ASTN2: variants seen among roughly 807,000 people sequenced by gnomAD.
ASTN2 encodes astrotactin-2.
In ASTN2, 54 loss-of-function variants were observed where a neutral mutation model predicts 139.8. The observed-to-expected ratio is 0.39, with a 90% CI of 0.31 to 0.48. The LOEUF is 0.48. ASTN2 is among the 20% of genes least tolerant of loss of function. ASTN2 has a pLI of 0.95. For missense variants in ASTN2, 1,565 were observed against 1,725.1 expected, an observed-to-expected ratio of 0.91 and a Z score of 1.64; for synonymous variants, 756 against 719.5, an observed-to-expected ratio of 1.05 and a Z score of -0.81.
chr9:117,024,778 T>G (rs1477571885), intron 6 of ASTN2, among the ~76,000 whole-genome samples: 1 of 152,132 alleles, frequency 6.6e-6, no homozygotes. Flanking sequence ...ATGCTTTGGC[T>G]GTGTCCACAC....
intron 16 of ASTN2, among the ~76,000 whole-genome samples, chr9:116,718,975 C>CATATATATATATATAT: frequency 8.6e-6 from 1 of 116,576 alleles, no homozygotes; most frequent in Non-Finnish European, 1.7e-5. Flanking sequence ...TGTATCTGTA[C>CATATATATATATATAT]ATATATATAT....
intron 16 of ASTN2, among the ~76,000 whole-genome samples, chr9:116,653,948 C>T (rs1357624567): frequency 6.6e-6 from 1 of 152,180 alleles, no homozygotes; most frequent in Non-Finnish European, 1.5e-5. Flanking sequence ...ACAAACAAAA[C>T]AAGGGTGTAA....
rs1847499211 is a variant in ASTN2, at chr9:116,431,589, G to A, written c.3783-5501C>T. Among the ~76,000 whole-genome samples the A allele has an allele frequency of 2.0e-5, 3 of 152,144 alleles. No homozygotes were observed. In the South Asian group the frequency reaches 6.2e-4, roughly 32 times the overall value. ...GAAAGCAGGAATGGAGAGTGCCCAT[G>A]GAAGAGAAGATTTAGGCCATTAGTT... On this transcript the variant is annotated intron_variant, in intron 22 of 22. Transcript: ENST00000313400.
At chr9:117,235,144 G>A (rs1409082580) in intron 2 of ASTN2, among the ~76,000 whole-genome samples, 1 of 151,128 alleles carries the variant, frequency 6.6e-6, no homozygotes, top group Non-Finnish European at 1.5e-5. Context: ...TGAGGCAGGA[G>A]AATTGCTGGA....
intron 13 of ASTN2, among the ~76,000 whole-genome samples, chr9:116,754,272 C>T (rs532419343): frequency 1.3e-5 from 2 of 152,234 alleles, no homozygotes; most frequent in South Asian, 2.1e-4. Context: ...CATAAACATA[C>T]GTGTGCATGT....
chr9:116,570,111 C>A lies in ASTN2; in HGVS notation c.3355+48213G>T, dbSNP rs12343198. On this transcript the variant is annotated intron_variant, in intron 19 of 22. Coordinates refer to ENST00000313400, the MANE Select transcript of ASTN2 (RefSeq NM_001365068.1). ...TTGTTGTCTTGAGCAGGTGGTTTCA[C>A]GTTTCTAGCCTTGCTTTCTTTATCT... Among the ~76,000 whole-genome samples the A allele has an allele frequency of 3.4e-3, 516 of 152,218 alleles. 1 individual carries two copies. Among genetic ancestry groups the A allele is most frequent in the African/African-American group, 0.012 (503 of 41,504 alleles).
intron 19 of ASTN2, among the ~76,000 whole-genome samples, chr9:116,542,534 A>C (rs1236306116): frequency 6.6e-6 from 1 of 152,224 alleles, no homozygotes; most frequent in Non-Finnish European, 1.5e-5. Context: ...AACCTGAACA[A>C]AGCCAAGTTA....
intron 2 of ASTN2, among the ~76,000 whole-genome samples, chr9:117,259,994 T>C (rs1398944750): frequency 1.3e-5 from 2 of 152,166 alleles, no homozygotes; most frequent in African/African-American, 4.8e-5. Flanking sequence ...AAAAATCTCA[T>C]ATCCTTTTTT....
chr9:117,121,809 A>G lies in ASTN2; in HGVS notation c.1168+19517T>C, dbSNP rs115849238. On this transcript the variant is annotated intron_variant, in intron 4 of 22. Coordinates refer to ENST00000313400, the MANE Select transcript of ASTN2 (RefSeq NM_001365068.1). ...ACAATCATGGCAGAAGCCGATGGGGAAGCCAGTTCATCTTCACATGGCCAG... is the reference window on the plus strand; with the variant it reads ...ACAATCATGGCAGAAGCCGATGGGGGAGCCAGTTCATCTTCACATGGCCAG... Among the ~76,000 whole-genome samples the G allele has an allele frequency of 8.3e-3, 1,265 of 152,334 alleles. 25 individuals carry two copies. The highest frequency in any genetic ancestry group is 0.029 in the African/African-American group (1,198 of 41,566).
intron 19 of ASTN2, among the ~76,000 whole-genome samples, chr9:116,595,852 T>G (rs566005607): frequency 2.6e-5 from 4 of 152,262 alleles, no homozygotes; most frequent in African/African-American, 9.6e-5. Flanking sequence ...GCGAAGCCAC[T>G]ATGAAAAACA....
intron 6 of ASTN2, among the ~76,000 whole-genome samples, chr9:117,036,791 C>T (rs568380447): frequency 2.6e-5 from 4 of 152,278 alleles, no homozygotes; most frequent in South Asian, 2.1e-4. Flanking sequence ...CTGATAGATA[C>T]GGGTGCTTTC....
At chr9:117,134,301 C>T (rs1056694999) in intron 4 of ASTN2, among the ~76,000 whole-genome samples, 12,468 of 61,080 alleles carry the variant, frequency 0.2, 590 homozygotes, top group Non-Finnish European at 0.25. Flanking sequence ...TATATACACA[C>T]ACACACACAC....
At chr9:117,004,189 G>A (rs1385405316) in intron 7 of ASTN2, among the ~76,000 whole-genome samples, 2 of 152,036 alleles carry the variant, frequency 1.3e-5, no homozygotes, top group African/African-American at 2.4e-5. Flanking sequence ...GCATGATCAT[G>A]GCTAACTGTA....
At chr9:116,683,614 T>C (rs1290409637) in intron 16 of ASTN2, among the ~76,000 whole-genome samples, 2 of 152,218 alleles carry the variant, frequency 1.3e-5, no homozygotes, top group African/African-American at 4.8e-5. Flanking sequence ...AGATAGCTGA[T>C]GTGTTAAGCA....
chr9:116,799,300 G>C (rs914101581), intron 13 of ASTN2, among the ~76,000 whole-genome samples: 4 of 152,064 alleles, frequency 2.6e-5, no homozygotes, highest in African/African-American at 9.7e-5. Context: ...CTTCAGTCTT[G>C]CCAAGCGTGG....
intron 1 of ASTN2, among the ~76,000 whole-genome samples, chr9:117,304,209 G>GT (rs1453015786): frequency 6.6e-6 from 1 of 152,184 alleles, no homozygotes; most frequent in Non-Finnish European, 1.5e-5. Flanking sequence ...AAGCCACTAA[G>GT]TTTTGGGGTG....
At chr9:116,531,270 A>C (rs918016766) in intron 19 of ASTN2, among the ~76,000 whole-genome samples, 13 of 152,200 alleles carry the variant, frequency 8.5e-5, no homozygotes, top group Admixed American at 3.3e-4. Flanking sequence ...TTATGTCTTA[A>C]ATGTATGGCC....
chr9:117,197,860 T>G (rs544194773), intron 3 of ASTN2, among the ~76,000 whole-genome samples: 9 of 152,290 alleles, frequency 5.9e-5, no homozygotes, highest in African/African-American at 2.2e-4. Context: ...ATTGGTAATT[T>G]TTTTCCTATA....
At chr9:116,750,933 G>C (rs1829382397) in intron 13 of ASTN2, among the ~76,000 whole-genome samples, 1 of 152,152 alleles carries the variant, frequency 6.6e-6, no homozygotes, top group Non-Finnish European at 1.5e-5. Flanking sequence ...TTCAAAATTT[G>C]ACATAGAAAT....
Sources: gnomAD v4.1 joint callset for allele counts (sites outside exome capture counted in the v4.1 genomes callset) on GRCh38, gnomAD v4.1.1 for gene constraint, MANE v1.5 for transcripts, NCBI Gene and HGNC (gene_info 2026-07-23, HGNC 2026-07-21) for gene names.